The following DZIP1L variants were observed in gnomAD, a reference collection of about 807,000 sequenced individuals.
DZIP1L encodes DAZ interacting zinc finger protein 1 like.
In DZIP1L, 90 loss-of-function variants were observed where a neutral mutation model predicts 88.7. The observed-to-expected ratio is 1.02, with a 90% CI of 0.86 to 1.21. The LOEUF is 1.21. Ranked by LOEUF, DZIP1L falls within the 50% of genes most tolerant of loss-of-function variation. DZIP1L has a pLI of 0.00. For missense variants in DZIP1L, 932 were observed against 955.8 expected, an observed-to-expected ratio of 0.98 and a Z score of 0.33; for synonymous variants, 363 against 372.1, an observed-to-expected ratio of 0.98 and a Z score of 0.28.
At chr3:138,068,448 A>G in intron 12 of DZIP1L, 81 bp from the exon 13 acceptor site, 1 of 1,061,308 alleles carries the variant, frequency 9.4e-7, no homozygotes, top group South Asian at 2.0e-5. Flanking sequence ...AGTGGCTCCA[A>G]CACCCTGGAA....
chr3:138,083,255 T>C (rs557178202), intron 8 of DZIP1L, among the ~76,000 whole-genome samples: 2 of 152,200 alleles, frequency 1.3e-5, no homozygotes, highest in Non-Finnish European at 2.9e-5. Context: ...AACTGAAAAG[T>C]AGCAAGACAG....
chr3:138,099,187 G>GT (rs1944613061), intron 2 of DZIP1L, among the ~76,000 whole-genome samples: 1 of 152,230 alleles, frequency 6.6e-6, no homozygotes, highest in African/African-American at 2.4e-5. Flanking sequence ...TGGCAAGGAG[G>GT]TCCTAAAACA....
At chr3:138,078,068 G>A (rs1255192369) in intron 10 of DZIP1L, among the ~76,000 whole-genome samples, 2 of 152,192 alleles carry the variant, frequency 1.3e-5, no homozygotes, top group Non-Finnish European at 2.9e-5. Context: ...CCATAAGTCT[G>A]GGGGAGGACC....
intron 8 of DZIP1L, among the ~76,000 whole-genome samples, chr3:138,082,215 G>A (rs563513482): frequency 7.2e-5 from 11 of 152,292 alleles, no homozygotes; most frequent in African/African-American, 2.4e-4. Context: ...GACATTCACT[G>A]AACTGTCTGC....
chr3:138,077,751 T>C lies in DZIP1L; in HGVS notation c.1289-119A>G, dbSNP rs993977948. ...GAATCCTGGTCGGTTAACTCAGGAC[T>C]TGGAGATTGCACTTGAGCCCTTAAA... On this transcript the variant is annotated intron_variant, in intron 10 of 15. Transcript: ENST00000327532. 54 of 1,427,006 alleles carry C rather than the reference T, an allele frequency of 3.8e-5. No homozygotes were observed. In the Admixed American group the frequency reaches 6.4e-4, roughly 17 times the overall value. The allele number at this position is 1,427,006 out of a possible 1,614,324, so 88.4% of individuals were successfully genotyped here.
In DZIP1L at chr3:138,090,147, T is replaced by TAAAA. The variant is rs1348123253; in HGVS notation, c.871-1641_871-1640insTTTT. Among the ~76,000 whole-genome samples, 12 of 150,788 alleles carry TAAAA rather than the reference T, an allele frequency of 8.0e-5. No homozygotes were observed. In the South Asian group the frequency reaches 2.3e-3, roughly 29 times the overall value. On this transcript the variant is annotated intron_variant, in intron 5 of 15. Transcript: ENST00000327532. ...AGGGTGAGAACCCATCTTAAAAAAA[T>TAAAA]AAATAAATAAATAAATAAATAAAAT...
rs1158905327 is a variant in DZIP1L at position 138,080,482 on chromosome 3, A to G, written c.1288+85T>C. ...ACTCCAGCTTCGGATGTCCAGATAC[A>G]GTTAAGTAGAGACAAACTAAACAAG... On this transcript the variant is annotated intron_variant, in intron 10 of 15. Transcript: ENST00000327532. The G allele has an allele frequency of 1.3e-5, 19 of 1,454,124 alleles. No homozygotes were observed. In the East Asian group the frequency reaches 4.4e-4, roughly 34 times the overall value. The allele number at this position is 1,454,124 out of a possible 1,614,324, so 90.1% of individuals were successfully genotyped here. A position where few individuals can be genotyped will look rare whatever the true frequency, so the allele number is the denominator to read the frequency against.
intron 15 of DZIP1L, 28 bp downstream of exon 15, chr3:138,064,600 A>G (rs770435122): frequency 3.8e-5 from 61 of 1,614,020 alleles, no homozygotes; most frequent in Non-Finnish European, 4.7e-5. Context: ...AGAATTCCAG[A>G]GTAAACTCTA....
At chr3:138,077,314 G>A (rs1178024650) in intron 11 of DZIP1L, among the ~76,000 whole-genome samples, 185 bp downstream of exon 11, 1 of 152,232 alleles carries the variant, frequency 6.6e-6, no homozygotes, top group Non-Finnish European at 1.5e-5. Context: ...TGGAGAAACA[G>A]AGGAAAGATA....
intron 8 of DZIP1L, among the ~76,000 whole-genome samples, chr3:138,083,643 T>C (rs1943775518): frequency 6.6e-6 from 1 of 152,258 alleles, no homozygotes; most frequent in Non-Finnish European, 1.5e-5. Context: ...CTAAGAATAC[T>C]GTGTAAAAAA....
chr3:138,113,740 T>C (rs1490531555), intron 1 of DZIP1L, among the ~76,000 whole-genome samples: 1 of 152,100 alleles, frequency 6.6e-6, no homozygotes, highest in African/African-American at 2.4e-5. Context: ...CTGACCCTCA[T>C]GGGGGCTGCA....
chr3:138,094,397 A>T (rs1038353494), intron 4 of DZIP1L, among the ~76,000 whole-genome samples: 3 of 152,220 alleles, frequency 2.0e-5, no homozygotes, highest in African/African-American at 7.2e-5. Context: ...AATACCAACT[A>T]TGCAGCTGGT....
chr3:138,096,428 C>T (rs541524108), intron 3 of DZIP1L, among the ~76,000 whole-genome samples: 1 of 152,112 alleles, frequency 6.6e-6, no homozygotes, highest in Non-Finnish European at 1.5e-5. Flanking sequence ...AAATACTATT[C>T]AGCCATTAAA....
Position 138,094,933 on chromosome 3 carries a change from G to A in DZIP1L, c.637C>T (p.Arg213Trp), listed in dbSNP as rs557241499. The A allele has an allele frequency of 1.2e-4, 193 of 1,614,106 alleles. No homozygotes were observed. Among genetic ancestry groups the A allele is most frequent in the Non-Finnish European group, 1.5e-4 (176 of 1,180,046 alleles). The change falls in exon 4 of 16, where the codon CGG becomes TGG. Residue 213 changes from arginine to tryptophan, a missense_variant. Physicochemically the swap from Arg to Trp is moderately radical, Grantham distance 101. Coordinates refer to ENST00000327532, the MANE Select transcript of DZIP1L (RefSeq NM_173543.3). ...QPVEEVLEELRAKLKWTQGEL... is the reference protein window; with the variant it reads ...QPVEEVLEELWAKLKWTQGEL... ...CCTTGGGTCCACTTTAGCTTGGCCC[G>A]TAGCTCTTCTAACACCTCTTCCACT...
At chr3:138,085,879 T>C (rs1168188272) in intron 7 of DZIP1L, among the ~76,000 whole-genome samples, 11 of 152,188 alleles carry the variant, frequency 7.2e-5, no homozygotes, top group Admixed American at 7.2e-4. Context: ...AATGATAGAC[T>C]GGATTAAGAA....
Position 138,077,276 on chromosome 3 carries a change from C to T in DZIP1L, c.1422+223G>A, listed in dbSNP as rs1261938111. 2.0e-5 allele frequency among the ~76,000 whole-genome samples: 3 copies of T among 152,124 alleles called. No homozygotes were observed. In the East Asian group the frequency reaches 5.8e-4, roughly 29 times the overall value. On this transcript the variant is annotated intron_variant, in intron 11 of 15. Coordinates refer to ENST00000327532, the MANE Select transcript of DZIP1L (RefSeq NM_173543.3). Reference sequence around the variant, plus strand: ...TCAGGACTCAGGGTAGTATCGCCAGCCAAATAGGGCCAGTCTTGAGAAGCT... The same window carrying T: ...TCAGGACTCAGGGTAGTATCGCCAGTCAAATAGGGCCAGTCTTGAGAAGCT...
chr3:138,111,119 A>G (rs894067872), intron 1 of DZIP1L, among the ~76,000 whole-genome samples: 15 of 152,218 alleles, frequency 9.9e-5, no homozygotes, highest in African/African-American at 3.6e-4. Context: ...GCTTATTCGT[A>G]TCTGCTGTAT....
chr3:138,080,528 T>G, intron 10 of DZIP1L, 39 bp downstream of exon 10: 1 of 1,610,730 alleles, frequency 6.2e-7, no homozygotes, highest in South Asian at 1.1e-5. Context: ...GCAAATCTGT[T>G]TCTGCACTGG....
chr3:138,063,113 T>C lies in DZIP1L; in HGVS notation c.2143-136A>G, dbSNP rs932311808. 51 of 946,504 alleles carry C rather than the reference T, an allele frequency of 5.4e-5. No homozygotes were observed. The highest frequency in any genetic ancestry group is 7.3e-5 in the Non-Finnish European group (47 of 639,672). The allele number at this position is 946,504 out of a possible 1,614,324, so 58.6% of individuals were successfully genotyped here. A position where few individuals can be genotyped will look rare whatever the true frequency, so the allele number is the denominator to read the frequency against. The stretch of plus-strand genomic sequence containing the variant: ...GACTGGGAAGAAAGCAATAGGGAGA[T>C]GCTACTCCTCCTGACTTCTCAAGTC... On this transcript the variant is annotated intron_variant, in intron 15 of 15. Coordinates refer to ENST00000327532, the MANE Select transcript of DZIP1L (RefSeq NM_173543.3). This position sits in a 1 kb window ranked among gnomAD's most constrained non-coding sequence, Gnocchi z 4.1.
Sources: gnomAD v4.1 joint callset for allele counts (sites outside exome capture counted in the v4.1 genomes callset) on GRCh38, gnomAD v4.1.1 for gene constraint, Gnocchi (gnomAD v3.1) non-coding constraint, MANE v1.5 for transcripts, NCBI Gene and HGNC (gene_info 2026-07-23, HGNC 2026-07-21) for gene names.